PEBP4: variants seen among roughly 807,000 people sequenced by gnomAD.
PEBP4 encodes the protein phosphatidylethanolamine-binding protein 4.
In PEBP4, 22 loss-of-function variants were observed where a neutral mutation model predicts 23.9. The observed-to-expected ratio is 0.92, with a 90% confidence interval of 0.66 to 1.31. The LOEUF is 1.31. Ranked by LOEUF, PEBP4 falls within the 40% of genes most tolerant of loss-of-function variation. The probability of loss-of-function intolerance (pLI) is 0.00; values close to 1 mark genes in which losing one functional copy is unlikely to be tolerated. For missense variants in PEBP4, 324 were observed against 281.7 expected (o/e 1.15, Z -1.07); for synonymous variants, 112 against 99.3 (o/e 1.13, Z -0.76).
Position 22,775,306 on chromosome 8 carries a change from G to A in PEBP4, c.357+42331C>T, listed in dbSNP as rs143310665. Among the ~76,000 whole-genome samples the A allele has an allele frequency of 1.9e-3, 296 of 152,348 alleles. No individual in the cohort carries two copies. Among genetic ancestry groups the A allele is most frequent in the African/African-American group, 6.8e-3 (284 of 41,586 alleles). ...TCTGGCAAGGAGGGTTCCTGAGGTGGGCAATGGGAAGGCCGTCAGGGCCCG... is the reference window on the plus strand; with the variant it reads ...TCTGGCAAGGAGGGTTCCTGAGGTGAGCAATGGGAAGGCCGTCAGGGCCCG... On this transcript the variant is annotated intron_variant, in intron 4 of 6. Coordinates refer to ENST00000256404, the MANE Select transcript of PEBP4 (RefSeq NM_144962.3). The surrounding 1 kb of genome is among the most constrained non-coding windows in gnomAD (Gnocchi z 4.8).
intron 4 of PEBP4, among the ~76,000 whole-genome samples, chr8:22,755,326 CTTTTTTTTTTTTTT>C (rs547269095): frequency 8.7e-4 from 100 of 114,614 alleles, no homozygotes; most frequent in African/African-American, 3.3e-3. Context: ...TTCTCTCCCT[CTTTTTTTTTTTTTT>C]TTTTTTTTTT....
chr8:22,926,259 A>C (rs1014622681), intron 2 of PEBP4, among the ~76,000 whole-genome samples: 8 of 152,042 alleles, frequency 5.3e-5, no homozygotes, highest in Admixed American at 4.6e-4. Flanking sequence ...TACAGGTGTG[A>C]GCCACCGTGC....
chr8:22,818,159 T>A (rs1336609784), intron 3 of PEBP4, among the ~76,000 whole-genome samples: 1 of 152,162 alleles, frequency 6.6e-6, no homozygotes, highest in African/African-American at 2.4e-5. Flanking sequence ...ACGGTACCTA[T>A]CACAAAGAAC....
chr8:22,770,710 A>G (rs1215713240), intron 4 of PEBP4, among the ~76,000 whole-genome samples: 8 of 152,214 alleles, frequency 5.3e-5, no homozygotes, highest in African/African-American at 7.2e-5. Context: ...CTGTGCCTCC[A>G]TCCCACCTCT....
At chr8:22,723,534 G>C (rs1322017338) in intron 6 of PEBP4, among the ~76,000 whole-genome samples, 3 of 152,156 alleles carry the variant, frequency 2.0e-5, no homozygotes, top group Non-Finnish European at 4.4e-5. Context: ...CATTTTATGA[G>C]AACCCCATGG....
chr8:22,797,604 A>G (rs1360251233), intron 4 of PEBP4, among the ~76,000 whole-genome samples: 3 of 152,172 alleles, frequency 2.0e-5, no homozygotes, highest in African/African-American at 7.2e-5. Context: ...AGGTAGGAGT[A>G]AGTAAGTTGC....
At chr8:22,800,834 T>C (rs1225208704) in intron 4 of PEBP4, among the ~76,000 whole-genome samples, 1 of 152,158 alleles carries the variant, frequency 6.6e-6, no homozygotes, top group East Asian at 1.9e-4. Flanking sequence ...TGTGGGAGAA[T>C]GCCAGTTTCC....
intron 3 of PEBP4, among the ~76,000 whole-genome samples, chr8:22,828,107 A>C (rs1807010449): frequency 6.6e-6 from 1 of 152,198 alleles, no homozygotes. Context: ...AAATAATTGT[A>C]ATAGGTGTGT....
intron 4 of PEBP4, among the ~76,000 whole-genome samples, chr8:22,765,443 C>A (rs1805591388): frequency 6.6e-6 from 1 of 152,194 alleles, no homozygotes; most frequent in African/African-American, 2.4e-5. Flanking sequence ...TGCACCCAGC[C>A]CAGGTCCTCA....
At chr8:22,784,366 A>T (rs896893185) in intron 4 of PEBP4, among the ~76,000 whole-genome samples, 3 of 152,182 alleles carry the variant, frequency 2.0e-5, no homozygotes, top group Admixed American at 2.0e-4. Context: ...AGAACCAGAG[A>T]AGGAAGGAAG....
intron 4 of PEBP4, among the ~76,000 whole-genome samples, chr8:22,772,148 C>A (rs368525182): frequency 6.6e-6 from 1 of 152,234 alleles, no homozygotes; most frequent in Non-Finnish European, 1.5e-5. Flanking sequence ...TCTCACTTAA[C>A]CCTTCACAAT....
At chr8:22,908,163 T>C (rs1057326079) in intron 3 of PEBP4, among the ~76,000 whole-genome samples, 3 of 152,058 alleles carry the variant, frequency 2.0e-5, no homozygotes, top group Admixed American at 6.5e-5. Context: ...TGGCCATGTT[T>C]CATTTGAGGG....
upstream of PEBP4, chr8:22,928,006 C>T: frequency 2.7e-6 from 1 of 373,860 alleles, no homozygotes; most frequent in South Asian, 3.0e-5. Flanking sequence ...GTCCTGGCTG[C>T]CAGGGCAGAG....
In PEBP4 at chr8:22,860,216, GTATATATATA is replaced by G. The variant is rs1415646215; in HGVS notation, c.259-42491_259-42482del. On this transcript the variant is annotated intron_variant, in intron 3 of 6. Coordinates refer to ENST00000256404, the MANE Select transcript of PEBP4 (RefSeq NM_144962.3). Reference sequence around the variant, plus strand: ...TGTATATATATATATACACATATATGTATATATATATATGGTGCCAGAATACACATATCAT... The same window carrying G: ...TGTATATATATATATACACATATATGTATGGTGCCAGAATACACATATCAT... Among the ~76,000 whole-genome samples, 13 of 137,660 alleles carry G rather than the reference GTATATATATA, an allele frequency of 9.4e-5. 1 individual carries two copies. Among genetic ancestry groups the G allele is most frequent in the African/African-American group, 3.7e-4 (13 of 35,472 alleles). 90.3% of individuals were successfully genotyped at this position (137,660 alleles called of 152,430 possible).
intron 1 of PEBP4, among the ~76,000 whole-genome samples, chr8:22,935,153 AC>A (rs1809517033): frequency 6.6e-6 from 1 of 152,232 alleles, no homozygotes; most frequent in Non-Finnish European, 1.5e-5. Flanking sequence ...AGGTAGCTTA[AC>A]AACAGTAATT....
intron 6 of PEBP4, among the ~76,000 whole-genome samples, chr8:22,722,706 G>T (rs1238621730): frequency 1.3e-5 from 2 of 152,132 alleles, no homozygotes; most frequent in African/African-American, 4.8e-5. Flanking sequence ...CACAGCGCTG[G>T]GCACATGGAA....
At chr8:22,796,772 T>C (rs1482213291) in intron 4 of PEBP4, among the ~76,000 whole-genome samples, 1 of 151,890 alleles carries the variant, frequency 6.6e-6, no homozygotes, top group African/African-American at 2.4e-5. Context: ...AGAAGAATAA[T>C]GGACACTGTA....
intron 4 of PEBP4, among the ~76,000 whole-genome samples, chr8:22,774,846 G>A (rs116030833): frequency 5.8e-4 from 89 of 152,210 alleles, no homozygotes; most frequent in African/African-American, 2.0e-3. Context: ...TTGCCATATG[G>A]AAAGAAACCA....
chr8:22,896,028 C>A (rs1808583413), intron 3 of PEBP4: 1 of 152,254 alleles, frequency 6.6e-6, no homozygotes, highest in Non-Finnish European at 1.5e-5. Context: ...TGGCATCAGA[C>A]AGTTGCCTGA....
Sources: allele counts gnomAD v4.1 joint callset (sites outside exome capture counted in the v4.1 genomes callset), GRCh38; gene constraint gnomAD v4.1.1; non-coding constraint Gnocchi (gnomAD v3.1); transcripts MANE v1.5; gene names NCBI Gene and HGNC (gene_info 2026-07-23, HGNC 2026-07-21).